Variants in TNK2 observed in about 807,000 individuals in gnomAD.
TNK2 encodes the protein activated CDC42 kinase 1.
Under a neutral mutation model 101.8 loss-of-function variants are expected in TNK2, and 83 were observed. The ratio of observed to expected loss-of-function variants is 0.82; its 90% CI spans 0.68 to 0.98. The LOEUF is 0.98. TNK2 is among the 50% of genes least tolerant of loss of function. The pLI is 0.00. For missense variants in TNK2, 1,665 were observed against 1,483.2 expected, an observed-to-expected ratio of 1.12 and a Z score of -2.01; for synonymous variants, 804 against 633.0, an observed-to-expected ratio of 1.27 and a Z score of -4.06.
Position 195,888,541 on chromosome 3 carries a change from C to A in TNK2, c.48G>T (p.Glu16Asp). The change falls in exon 2 of 16, where the codon GAG (glutamate) becomes GAT (aspartate). Residue 16 changes from glutamate to aspartate, a missense_variant. Around this residue, in one of 3 missense-constraint regions of TNK2, gnomAD observed 490 missense variants for 522.5 expected, o/e 0.94. Transcript: ENST00000672887. This position sits in a 1 kb window ranked among gnomAD's most constrained non-coding sequence, Gnocchi z 5.3. ...GTGWLLELLS[E>D]VQLQQYFLRL... is the part of the protein sequence containing the mutation. ...GCAGGAAGTACTGTTGCAGCTGCAC[C>A]TCGGACAGCAGCTCCAGCAGCCAGC... The A allele has an allele frequency of 6.2e-7, 1 of 1,613,050 alleles. No individual in the cohort carries two copies. The highest frequency in any genetic ancestry group is 8.5e-7 in the Non-Finnish European group (1 of 1,179,932).
At position 195,869,532 on chromosome 3, in the gene TNK2, G is replaced by A. The variant is rs761003033; in HGVS notation, c.1553C>T (p.Pro518Leu). 3 of 1,551,144 alleles carry A rather than the reference G, an allele frequency of 1.9e-6. No individual in the cohort carries two copies. Among genetic ancestry groups the A allele is most frequent in the East Asian group, 2.4e-5 (1 of 40,920 alleles). The part of the protein sequence containing the change: ...QHLGGVKREP[P>L]PRPPQPAFFT... ...GAAGGCAGGCTGAGGTGGGCGAGGT[G>A]GAGGCTCCCCTGCAAGAAAGGCCAT... Residue 518 changes from proline to leucine, a missense_variant, in exon 12 of 16, where the codon CCA becomes CTA. Pro to Leu is a moderately conservative substitution (Grantham distance 98). Transcript: ENST00000672887.
In TNK2 at chr3:195,878,120, C is replaced by T; in HGVS notation, c.1256+133G>A. On this transcript the variant is annotated intron_variant, in intron 9 of 15. Coordinates refer to ENST00000672887, the MANE Select transcript of TNK2 (RefSeq NM_001382273.1). This position sits in a 1 kb window ranked among gnomAD's most constrained non-coding sequence, Gnocchi z 4.7. Reference sequence around the variant, plus strand: ...GCAGGCCTGTCCTCCCCTCACACTGCAGGGTTCAGGCCCAACCGCCAGCCT... The same window carrying T: ...GCAGGCCTGTCCTCCCCTCACACTGTAGGGTTCAGGCCCAACCGCCAGCCT... 1.1e-6 allele frequency: 1 copy of T among 874,164 alleles called. No individual in the cohort carries two copies. The highest frequency in any genetic ancestry group is 1.6e-5 in the African/African-American group (1 of 60,696). 54.2% of individuals were successfully genotyped at this position (874,164 alleles called of 1,614,324 possible).
chr3:195,868,759 G>A, intron 12 of TNK2, 50 bp from the exon 13 acceptor site: 5 of 1,498,190 alleles, frequency 3.3e-6, no homozygotes, highest in Non-Finnish European at 3.5e-6. Flanking sequence ...GCAGGGTCTG[G>A]GACACGAGGG....
rs777456495 is a variant in TNK2 at position 195,868,294 on chromosome 3, G to T, written c.2004C>A (p.Thr668=). 3.1e-6 allele frequency: 5 copies of T among 1,603,828 alleles called. No individual in the cohort carries two copies. Among genetic ancestry groups the T allele is most frequent in the Non-Finnish European group, 4.2e-6 (5 of 1,179,516 alleles). The change falls in exon 13 of 16, where the codon ACC becomes ACA. Residue 668 remains threonine (T), a synonymous_variant. Transcript: ENST00000672887. ...DDFEICSINS[T]LVGAGVPAGP... is the part of the protein sequence containing the mutation. ...CGGCAGGGACCCCCGCGCCCACGAG[G>T]GTGCTGTTGATGGAGCAGATCTCAA...
intron 1 of TNK2, among the ~76,000 whole-genome samples, chr3:195,893,702 G>C (rs1759503494): frequency 6.6e-6 from 1 of 151,828 alleles, no homozygotes; most frequent in Non-Finnish European, 1.5e-5. Flanking sequence ...AGCTCCCCAG[G>C]CACCCCCCTC....
intron 2 of TNK2, 117 bp from the exon 3 acceptor site, chr3:195,887,164 CA>C (rs1756056497): frequency 1.0e-6 from 1 of 982,172 alleles, no homozygotes; most frequent in Non-Finnish European, 1.6e-6. Context: ...CCGATGATAG[CA>C]ATGAAATCAA....
chr3:195,868,217 G>A lies in TNK2; in HGVS notation c.2081C>T (p.Pro694Leu), dbSNP rs769773996. The change falls in exon 13 of 16, where the codon CCG (proline) becomes CTG (leucine). Residue 694 changes from proline (P) to leucine (L), a missense_variant. Physicochemically the swap from Pro to Leu is moderately conservative, Grantham distance 98. Transcript: ENST00000672887. ...NYAFVPEQAR[P>L]PPPLEDNLFL... is the part of the protein sequence containing the mutation. ...CAGGTTGTCCTCCAGGGGAGGGGGC[G>A]GCCGCGCCTGCTCAGGCACAAAGGC... The A allele has an allele frequency of 7.4e-5, 119 of 1,606,482 alleles. 1 individual carries two copies. Among genetic ancestry groups the A allele is most frequent in the East Asian group, 7.1e-4 (32 of 44,822 alleles).
intron 9 of TNK2, among the ~76,000 whole-genome samples, chr3:195,877,519 C>T (rs1010870726): frequency 6.6e-6 from 1 of 152,202 alleles, no homozygotes; most frequent in Non-Finnish European, 1.5e-5. Context: ...CAGGGGATTT[C>T]CTCCACTTCA....
At chr3:195,895,291 C>T in intron 1 of TNK2, 1 of 1,572,132 alleles carries the variant, frequency 6.4e-7, no homozygotes, top group Middle Eastern at 1.7e-4. Flanking sequence ...AAGCAGATCT[C>T]TCCCCCATGG....
At chr3:195,871,253 C>T (rs1015009357) in intron 10 of TNK2, among the ~76,000 whole-genome samples, 1 of 152,092 alleles carries the variant, frequency 6.6e-6, no homozygotes, top group African/African-American at 2.4e-5. Context: ...TTCCCAGATG[C>T]CCCTCGGTGG....
intron 11 of TNK2, 117 bp from the exon 12 acceptor site, chr3:195,869,658 G>C (rs1483071831): frequency 2.5e-5 from 27 of 1,059,174 alleles, no homozygotes; most frequent in Non-Finnish European, 3.4e-5. Context: ...GAAGTGAATG[G>C]GGGCGAGTGA....
chr3:195,879,327 G>T, intron 6 of TNK2, 152 bp from the exon 7 acceptor site: 1 of 1,154,962 alleles, frequency 8.7e-7, no homozygotes, highest in Non-Finnish European at 1.2e-6. Context: ...AAGCGGGCAG[G>T]ACCCCTTGAC....
intron 9 of TNK2, among the ~76,000 whole-genome samples, chr3:195,873,632 G>A (rs905251042): frequency 3.9e-5 from 6 of 152,192 alleles, no homozygotes; most frequent in Admixed American, 6.5e-5. Context: ...CTGTCCCAGG[G>A]CCAAAGCGTG....
intron 1 of TNK2, chr3:195,907,953 A>G (rs550076500): frequency 6.6e-6 from 1 of 152,422 alleles, no homozygotes; most frequent in African/African-American, 2.4e-5. Flanking sequence ...ATCAGCTGTG[A>G]CAGGACGGCG....
chr3:195,864,747 G>A (rs1356264045), intron 15 of TNK2, among the ~76,000 whole-genome samples: 4 of 140,316 alleles, frequency 2.9e-5, no homozygotes, highest in Admixed American at 7.1e-5. Context: ...AGGTGACAGC[G>A]AGTGCCTGCG....
intron 1 of TNK2, among the ~76,000 whole-genome samples, chr3:195,899,585 C>T (rs1412399138): frequency 2.0e-5 from 3 of 152,210 alleles, no homozygotes; most frequent in African/African-American, 4.8e-5. Context: ...CCACCTCAGC[C>T]GCCCACAGGG....
rs1193474621 is a variant in TNK2, at chr3:195,900,631, G to A, written c.-19+7854C>T. ...CCAACACAGACACCAGCAGCAGTGGGTGGCAGAGGACACATTGCTGCAGCT... is the reference window on the plus strand; with the variant it reads ...CCAACACAGACACCAGCAGCAGTGGATGGCAGAGGACACATTGCTGCAGCT... On this transcript the variant is annotated intron_variant, in intron 1 of 15. Transcript: ENST00000672887. Among the ~76,000 whole-genome samples, 5 of 152,352 alleles carry A rather than the reference G, an allele frequency of 3.3e-5. No homozygotes were observed. In the South Asian group the frequency reaches 8.3e-4, roughly 25 times the overall value.
At chr3:195,867,335 C>A (rs112312452) in intron 13 of TNK2, 26 bp downstream of exon 13, 1 of 1,608,082 alleles carries the variant, frequency 6.2e-7, no homozygotes, top group African/African-American at 1.3e-5. Context: ...TGCCCCGCTT[C>A]GCCCACAGCC....
At chr3:195,873,099 C>T (rs1036775525) in intron 9 of TNK2, among the ~76,000 whole-genome samples, 1 of 152,188 alleles carries the variant, frequency 6.6e-6, no homozygotes, top group African/African-American at 2.4e-5. Context: ...CGGAGCTTTC[C>T]ACCACCTCCC....
Sources: allele counts gnomAD v4.1 joint callset (sites outside exome capture counted in the v4.1 genomes callset), GRCh38; gene constraint gnomAD v4.1.1; regional missense constraint gnomAD v4.1.1; non-coding constraint Gnocchi (gnomAD v3.1); transcripts MANE v1.5; gene names NCBI Gene and HGNC (gene_info 2026-07-23, HGNC 2026-07-21).